Variants in TACR3 observed in about 807,000 individuals in gnomAD.
TACR3 encodes neuromedin-K receptor.
TACR3 carries 34 observed loss-of-function variants against 35.0 expected under a neutral mutation model. The observed-to-expected ratio is 0.97, with a 90% CI of 0.74 to 1.30. The LOEUF is 1.30. Among genes scored for constraint, TACR3 ranks in the 50% most tolerant of loss-of-function variants. The pLI is 0.00. For missense variants in TACR3, 558 were observed against 591.7 expected (o/e 0.94, Z 0.59); for synonymous variants, 233 against 221.1 (o/e 1.05, Z -0.48).
At chr4:103,697,219 T>C (rs779354200) in intron 1 of TACR3, among the ~76,000 whole-genome samples, 15 of 152,156 alleles carry the variant, frequency 9.9e-5, no homozygotes, top group Non-Finnish European at 2.1e-4. Context: ...AAAGAAGGAA[T>C]GTGATTGCTC....
At chr4:103,641,335 G>T (rs747355689) in intron 3 of TACR3, among the ~76,000 whole-genome samples, 4 of 151,858 alleles carry the variant, frequency 2.6e-5, no homozygotes, top group Non-Finnish European at 5.9e-5. Flanking sequence ...AAATAAGATA[G>T]TGTGATACCT....
intron 1 of TACR3, among the ~76,000 whole-genome samples, chr4:103,684,366 G>T (rs551083835): frequency 6.6e-6 from 1 of 152,174 alleles, no homozygotes; most frequent in South Asian, 2.1e-4. Flanking sequence ...GTTTGACAAG[G>T]ATGCAGAATA....
intron 1 of TACR3, among the ~76,000 whole-genome samples, chr4:103,703,463 C>A (rs1722710882): frequency 2.6e-5 from 4 of 152,052 alleles, no homozygotes; most frequent in Admixed American, 2.0e-4. Context: ...AGAGAAAATT[C>A]AATCCATATT....
intron 3 of TACR3, among the ~76,000 whole-genome samples, chr4:103,602,624 C>A (rs1724236276): frequency 6.6e-6 from 1 of 152,006 alleles, no homozygotes; most frequent in African/African-American, 2.4e-5. Context: ...CCCTCAGCTG[C>A]AGGTCTGTTG....
chr4:103,698,853 T>G (rs1396581080), intron 1 of TACR3, among the ~76,000 whole-genome samples: 1 of 152,120 alleles, frequency 6.6e-6, no homozygotes, highest in Admixed American at 6.5e-5. Flanking sequence ...ATACCCCAAT[T>G]ACCCTGATTT....
At chr4:103,701,582 G>T (rs544783312) in intron 1 of TACR3, among the ~76,000 whole-genome samples, 13 of 152,148 alleles carry the variant, frequency 8.5e-5, no homozygotes, top group Admixed American at 2.0e-4. Flanking sequence ...AAAAGAGCCC[G>T]CATTGCCAAG....
intron 3 of TACR3, among the ~76,000 whole-genome samples, chr4:103,595,061 A>G (rs1049407846): frequency 2.0e-5 from 3 of 152,130 alleles, no homozygotes; most frequent in Non-Finnish European, 4.4e-5. Flanking sequence ...TGAAATCACA[A>G]AACTGAAATC....
At chr4:103,711,760 A>C (rs1399247677) in intron 1 of TACR3, among the ~76,000 whole-genome samples, 1 of 152,182 alleles carries the variant, frequency 6.6e-6, no homozygotes, top group Non-Finnish European at 1.5e-5. Context: ...GTCTCAGCCC[A>C]AAATCTCCTC....
chr4:103,683,312 G>A (rs233976), intron 1 of TACR3, among the ~76,000 whole-genome samples: 19,462 of 150,894 alleles, frequency 0.13, 1,586 homozygotes, highest in East Asian at 0.2. Context: ...AAAAAATAAG[G>A]ACAAAATGCA....
chr4:103,591,814 A>G (rs1723903732), intron 3 of TACR3, 131 bp from the exon 4 acceptor site: 3 of 922,260 alleles, frequency 3.3e-6, no homozygotes, highest in Non-Finnish European at 5.0e-6. Context: ...ATATATTAAA[A>G]AATGGTGAAG....
chr4:103,619,849 C>A lies in TACR3; in HGVS notation c.889-28166G>T, dbSNP rs959247146. On this transcript the variant is annotated intron_variant, in intron 3 of 4. Transcript: ENST00000304883. ...ATCAACTTGCAGATATTGAAACAGC[C>A]CTGTATTCCAGGAATGTCTCCAAAG... 9.2e-5 allele frequency among the ~76,000 whole-genome samples: 14 copies of A among 152,138 alleles called. 1 individual carries two copies. The highest frequency in any genetic ancestry group is 3.4e-3 in the Middle Eastern group (1 of 294).
chr4:103,606,392 T>C (rs1352858659), intron 3 of TACR3, among the ~76,000 whole-genome samples: 1 of 152,218 alleles, frequency 6.6e-6, no homozygotes, highest in East Asian at 1.9e-4. Flanking sequence ...GGGGATGGCA[T>C]TGAATCTGTA....
chr4:103,635,839 T>C (rs1725176160), intron 3 of TACR3, among the ~76,000 whole-genome samples: 1 of 151,964 alleles, frequency 6.6e-6, no homozygotes, highest in Non-Finnish European at 1.5e-5. Flanking sequence ...ACCAACATAT[T>C]ACTGAATCAG....
chr4:103,610,775 T>C (rs1265097337), intron 3 of TACR3, among the ~76,000 whole-genome samples: 1 of 152,184 alleles, frequency 6.6e-6, no homozygotes, highest in East Asian at 1.9e-4. Flanking sequence ...TACATTTATA[T>C]CTTTAATCCA....
At chr4:103,599,940 G>C (rs1314010939) in intron 3 of TACR3, among the ~76,000 whole-genome samples, 2 of 152,106 alleles carry the variant, frequency 1.3e-5, no homozygotes, top group Non-Finnish European at 2.9e-5. Context: ...TCTCTGCTGG[G>C]CTTTGGTATC....
Position 103,628,850 on chromosome 4 carries a change from A to C in TACR3, c.888+27344T>G, listed in dbSNP as rs557380865. Among the ~76,000 whole-genome samples, 113 of 115,634 alleles carry C rather than the reference A, an allele frequency of 9.8e-4. 1 individual carries two copies. Among genetic ancestry groups the C allele is most frequent in the South Asian group, 2.2e-3 (8 of 3,574 alleles). The allele number at this position is 115,634 out of a possible 152,430, so 75.9% of individuals were successfully genotyped here. ...GCCTGGCAGAGATAAAAAGAATTTT[A>C]GATCAATATCCCTGATGAACATCAA... On this transcript the variant is annotated intron_variant, in intron 3 of 4. Coordinates refer to ENST00000304883, the MANE Select transcript of TACR3 (RefSeq NM_001059.3).
At chr4:103,615,298 T>C (rs188899501) in intron 3 of TACR3, among the ~76,000 whole-genome samples, 85 of 152,104 alleles carry the variant, frequency 5.6e-4, no homozygotes, top group Non-Finnish European at 9.6e-4. Context: ...TTCTGTCAAA[T>C]TTCATAATAG....
chr4:103,700,031 C>T (rs1172896277), intron 1 of TACR3, among the ~76,000 whole-genome samples: 6 of 152,214 alleles, frequency 3.9e-5, no homozygotes, highest in Middle Eastern at 6.8e-3. Flanking sequence ...ACATCTAGTA[C>T]TTACAAGGTA....
chr4:103,636,653 G>A (rs1166788827), intron 3 of TACR3, among the ~76,000 whole-genome samples: 4 of 151,956 alleles, frequency 2.6e-5, no homozygotes, highest in African/African-American at 9.7e-5. Context: ...CCAGGAGCTG[G>A]TTTTTTGAAA....
Sources: gnomAD v4.1 joint callset for allele counts (sites outside exome capture counted in the v4.1 genomes callset) on GRCh38, gnomAD v4.1.1 for gene constraint, MANE v1.5 for transcripts, NCBI Gene and HGNC (gene_info 2026-07-23, HGNC 2026-07-21) for gene names.